Variants in LAMA1 observed in about 807,000 individuals in gnomAD.
LAMA1 encodes laminin subunit alpha-1.
Under a neutral mutation model 348.7 loss-of-function variants are expected in LAMA1, and 219 were observed. The observed-to-expected ratio is 0.63, with a 90% CI of 0.56 to 0.70. The LOEUF (loss-of-function observed/expected upper bound fraction) is 0.70, where lower values mean the gene tolerates loss of function less well. LAMA1 is among the 30% of genes least tolerant of loss of function. The pLI is 0.00. For synonymous variants in LAMA1, 1,487 were observed against 1,491.0 expected (o/e 1.00, Z 0.06); for missense variants, 3,744 against 3,888.0 (o/e 0.96, Z 0.99).
intron 1 of LAMA1, among the ~76,000 whole-genome samples, chr18:7,095,959 T>G (rs1341329778): frequency 6.6e-6 from 1 of 152,114 alleles, no homozygotes; most frequent in Middle Eastern, 3.2e-3. Flanking sequence ...TTCCAGTTAC[T>G]CAGAAGGCTG....
chr18:7,022,378 G>A (rs545485847), intron 19 of LAMA1, among the ~76,000 whole-genome samples: 2 of 152,296 alleles, frequency 1.3e-5, no homozygotes, highest in South Asian at 4.1e-4. Flanking sequence ...AGCCAGTCAA[G>A]GTGGCCACCT....
chr18:7,069,244 G>T (rs1433270419), intron 3 of LAMA1, among the ~76,000 whole-genome samples: 1 of 152,144 alleles, frequency 6.6e-6, no homozygotes, highest in Non-Finnish European at 1.5e-5. Context: ...ACTCCATCTT[G>T]TTCCTAAAGC....
intron 61 of LAMA1, among the ~76,000 whole-genome samples, chr18:6,944,449 G>A (rs564594061): frequency 5.3e-5 from 8 of 152,302 alleles, no homozygotes; most frequent in South Asian, 2.1e-4. Context: ...GCTGAAGACC[G>A]CCCTCCAAAA....
chr18:6,958,621 A>G lies in LAMA1; in HGVS notation c.7820T>C (p.Met2607Thr), dbSNP rs556178405. ...GCTTTCTACTAATGTGCCCAACTTCATTTCCACAGGATTGTTCTCATCCAA... is the reference window on the plus strand; with the variant it reads ...GCTTTCTACTAATGTGCCCAACTTCGTTTCCACAGGATTGTTCTCATCCAA... ...VQLDENNPVE[M>T]KLGTLVESRT... The change falls in exon 55 of 63, where the codon ATG becomes ACG. Residue 2607 changes from methionine (M) to threonine (T), a missense_variant. Transcript: ENST00000389658. The G allele has an allele frequency of 3.1e-6, 5 of 1,614,168 alleles. No homozygotes were observed. In the South Asian group the frequency reaches 4.4e-5, roughly 14 times the overall value.
intron 36 of LAMA1, among the ~76,000 whole-genome samples, chr18:6,986,714 C>T (rs1049421289): frequency 3.3e-5 from 5 of 152,026 alleles, no homozygotes; most frequent in African/African-American, 9.7e-5. Context: ...CAAGTTAAGC[C>T]GGTTAGGATG....
At chr18:7,111,369 T>C (rs750233896) in intron 1 of LAMA1, among the ~76,000 whole-genome samples, 13 of 152,190 alleles carry the variant, frequency 8.5e-5, no homozygotes, top group Admixed American at 4.6e-4. Context: ...TCTGCCTCCA[T>C]TGTCTGCCTC....
chr18:7,060,459 T>C (rs777362126), intron 3 of LAMA1, among the ~76,000 whole-genome samples: 2 of 152,224 alleles, frequency 1.3e-5, no homozygotes, highest in Non-Finnish European at 2.9e-5. Context: ...TTTTGCTTTT[T>C]GTTTTGATTA....
chr18:7,112,110 AT>A (rs2143837977), intron 1 of LAMA1, among the ~76,000 whole-genome samples: 1 of 152,330 alleles, frequency 6.6e-6, no homozygotes, highest in Non-Finnish European at 1.5e-5. Context: ...TAGCTTATTA[AT>A]ACTATAGTAA....
chr18:7,085,291 G>A (rs1006681122), intron 1 of LAMA1, among the ~76,000 whole-genome samples: 2 of 151,570 alleles, frequency 1.3e-5, no homozygotes, highest in Non-Finnish European at 2.9e-5. Flanking sequence ...GGAGAAATTT[G>A]GAAAAGTAGG....
chr18:7,015,748 C>T lies in LAMA1; in HGVS notation c.3100G>A (p.Gly1034Ser). 6.2e-7 allele frequency: 1 copy of T among 1,614,042 alleles called. No individual in the cohort carries two copies. The highest frequency in any genetic ancestry group is 8.5e-7 in the Non-Finnish European group (1 of 1,180,000). ...TGGCACCCCACCTCCGCATCGTAGC[C>T]CCAGTGCCCATCCTCACATTCTTCA... ...KCEECEDGHW[G>S]YDAEVGCQAC... Residue 1034 changes from glycine to serine, a missense_variant, in exon 22 of 63, where the codon GGC (glycine) becomes AGC (serine). Around this residue, in one of 3 missense-constraint regions of LAMA1, gnomAD observed 1,529 missense variants for 1,689.4 expected, o/e 0.91. Transcript: ENST00000389658.
At chr18:6,974,552 G>A (rs2057672907) in intron 46 of LAMA1, among the ~76,000 whole-genome samples, 2 of 151,274 alleles carry the variant, frequency 1.3e-5, no homozygotes. Context: ...CACCTCCTGG[G>A]TTCAAGCAAT....
rs566273450 is a variant in LAMA1, at chr18:6,993,207, A to G, written c.5008+434T>C. On this transcript the variant is annotated intron_variant, in intron 35 of 62. Transcript: ENST00000389658. ...ATAATATAAAAAGAAGAGCGATCATATGTTTCTGGTAGCCAGAAAACTGAA... is the reference window on the plus strand; with the variant it reads ...ATAATATAAAAAGAAGAGCGATCATGTGTTTCTGGTAGCCAGAAAACTGAA... Among the ~76,000 whole-genome samples, 10 of 152,294 alleles carry G rather than the reference A, an allele frequency of 6.6e-5. No individual in the cohort carries two copies. The East Asian group carries it at 1.9e-3, about 29-fold the overall frequency.
Position 6,949,141 on chromosome 18 carries a change from C to G in LAMA1, c.8516G>C (p.Gly2839Ala), listed in dbSNP as rs1441279337. Residue 2839 changes from glycine to alanine, a missense_variant, in exon 59 of 63, where the codon GGA (glycine) becomes GCA (alanine). Around this residue, in one of 3 missense-constraint regions of LAMA1, gnomAD observed 1,983 missense variants for 1,934.3 expected, o/e 1.03. Coordinates refer to ENST00000389658, the MANE Select transcript of LAMA1 (RefSeq NM_005559.4). ...GGCCTGGTACTGGGAGGGCAGGCCT[C>G]CTAGGTAGAACAAACCCTCCACATC... is the stretch of plus-strand genomic sequence containing the variant. ...MLDVEGLFYL[G>A]GLPSQYQARK... 1 of 1,614,160 alleles carries G rather than the reference C, an allele frequency of 6.2e-7. No individual in the cohort carries two copies. The highest frequency in any genetic ancestry group is 1.3e-5 in the African/African-American group (1 of 75,032).
intron 3 of LAMA1, among the ~76,000 whole-genome samples, chr18:7,066,119 A>G (rs2058121999): frequency 6.6e-6 from 1 of 152,214 alleles, no homozygotes; most frequent in Non-Finnish European, 1.5e-5. Flanking sequence ...GGTGAGTAAT[A>G]TATTTTTAAT....
At chr18:7,032,633 T>C (rs1345568785) in intron 15 of LAMA1, among the ~76,000 whole-genome samples, 2 of 152,180 alleles carry the variant, frequency 1.3e-5, no homozygotes, top group African/African-American at 2.4e-5. Flanking sequence ...CTGGCTTGTC[T>C]AAAGCTACCC....
chr18:7,061,562 G>A (rs1256235384), intron 3 of LAMA1, among the ~76,000 whole-genome samples: 1 of 152,128 alleles, frequency 6.6e-6, no homozygotes, highest in African/African-American at 2.4e-5. Flanking sequence ...TTTCACCTAG[G>A]ACCATCTAAG....
chr18:7,061,618 T>C (rs2143747623), intron 3 of LAMA1, among the ~76,000 whole-genome samples: 1 of 152,364 alleles, frequency 6.6e-6, no homozygotes, highest in East Asian at 1.9e-4. Context: ...GTTCCCCATT[T>C]GTTCATGTTG....
At chr18:6,974,230 A>G (rs1439069064) in intron 46 of LAMA1, among the ~76,000 whole-genome samples, 5 of 151,486 alleles carry the variant, frequency 3.3e-5, no homozygotes, top group Admixed American at 2.6e-4. Context: ...AGTTTTTAAA[A>G]AAATTTTTTG....
chr18:7,013,939 C>T lies in LAMA1; in HGVS notation c.3239G>A (p.Gly1080Asp), dbSNP rs1173704485. ...GGRACDQCSLGYRDFPDCVPC... is the reference protein window; with the variant it reads ...GGRACDQCSLDYRDFPDCVPC... ...AACACAGTCGGGAAAGTCTCTGTAA[C>T]CCAAGGAACACTGATCGCAGGCCCG... The change falls in exon 23 of 63, where the codon GGT (glycine) becomes GAT (aspartate). Residue 1080 changes from glycine to aspartate, a missense_variant. This residue lies in a region of LAMA1 where 1,529 missense variants were observed against 1,689.4 expected (regional missense o/e 0.91). Coordinates refer to ENST00000389658, the MANE Select transcript of LAMA1 (RefSeq NM_005559.4). 1 of 1,613,916 alleles carries T rather than the reference C, an allele frequency of 6.2e-7. No individual in the cohort carries two copies. The highest frequency in any genetic ancestry group is 8.5e-7 in the Non-Finnish European group (1 of 1,179,882).
Sources: allele counts gnomAD v4.1 joint callset (sites outside exome capture counted in the v4.1 genomes callset), GRCh38; gene constraint gnomAD v4.1.1; regional missense constraint gnomAD v4.1.1; transcripts MANE v1.5; gene names NCBI Gene and HGNC (gene_info 2026-07-23, HGNC 2026-07-21).